KCNQ1: variants seen among roughly 807,000 people sequenced by gnomAD.
KCNQ1 encodes the protein potassium voltage-gated channel subfamily Q member 1.
KCNQ1 carries 49 observed loss-of-function variants against 72.4 expected under a neutral mutation model. The observed-to-expected ratio is 0.68, with a 90% CI of 0.54 to 0.86. The LOEUF is 0.86. Ranked by LOEUF, KCNQ1 falls within the 40% of genes least tolerant of loss-of-function variation. KCNQ1 has a pLI of 0.00. For synonymous variants in KCNQ1, 450 were observed against 412.6 expected (o/e 1.09, Z -1.10); for missense variants, 790 against 945.1 (o/e 0.84, Z 2.15).
Position 2,657,047 on chromosome 11 carries a change from T to C in KCNQ1, c.1394-4914T>C. The C allele has an allele frequency of 2.5e-6, 1 of 398,658 alleles. No individual in the cohort carries two copies. The highest frequency in any genetic ancestry group is 4.4e-6 in the Non-Finnish European group (1 of 226,072). The allele number at this position is 398,658 out of a possible 1,614,324, so 24.7% of individuals were successfully genotyped here. On this transcript the variant is annotated intron_variant, in intron 10 of 15. Transcript: ENST00000155840. The surrounding 1 kb of genome is among the most constrained non-coding windows in gnomAD (Gnocchi z 4.8). ...CAAGCTTCCATATTTGTGTGGGCTG[T>C]TTCCCAATGCTCAATCCTGTCCCAT...
chr11:2,832,418 C>T (rs993027012), intron 15 of KCNQ1, among the ~76,000 whole-genome samples: 1 of 152,160 alleles, frequency 6.6e-6, no homozygotes, highest in Middle Eastern at 3.2e-3. Context: ...GAGCTCCGAC[C>T]GCACAGGGTC....
In KCNQ1 at chr11:2,498,598, C is replaced by T. The variant is rs1846958790; in HGVS notation, c.387-29330C>T. Among the ~76,000 whole-genome samples the T allele has an allele frequency of 6.6e-6, 1 of 152,204 alleles. No homozygotes were observed. The highest frequency in any genetic ancestry group is 2.1e-4 in the South Asian group (1 of 4,830). The stretch of plus-strand genomic sequence containing the variant: ...TGTGCTGGCAGTGAGAATTTGAAGC[C>T]AGTGGTTCTTAGCTTGCTGGGCTCC... On this transcript the variant is annotated intron_variant, in intron 1 of 15. Transcript: ENST00000155840. The surrounding 1 kb of genome is among the most constrained non-coding windows in gnomAD (Gnocchi z 4.8).
intron 10 of KCNQ1, chr11:2,641,316 G>A: frequency 2.5e-6 from 1 of 398,068 alleles, no homozygotes. Context: ...TCCAGCATTG[G>A]TTAATTTTTG....
At position 2,464,253 on chromosome 11, in the gene KCNQ1, G is replaced by A. The variant is rs971525412; in HGVS notation, c.386+18769G>A. The stretch of plus-strand genomic sequence containing the variant: ...CCCGGACAGCAGATAACAAGCCTTC[G>A]TCGTGGTCACCCCTGGGTGTGGGCT... On this transcript the variant is annotated intron_variant, in intron 1 of 15. Transcript: ENST00000155840. The surrounding 1 kb of genome is among the most constrained non-coding windows in gnomAD (Gnocchi z 5.0). Among the ~76,000 whole-genome samples the A allele has an allele frequency of 1.3e-5, 2 of 152,154 alleles. No homozygotes were observed. Among genetic ancestry groups the A allele is most frequent in the Non-Finnish European group, 2.9e-5 (2 of 68,026 alleles).
chr11:2,813,906 G>C lies in KCNQ1; in HGVS notation c.1795-33861G>C, dbSNP rs117267857. The stretch of plus-strand genomic sequence containing the variant: ...AGGGATGCGTGGAAGGATGGTTGAT[G>C]GATGGATGGTTAGATGGATGAAGAG... On this transcript the variant is annotated intron_variant, in intron 15 of 15. Transcript: ENST00000155840. The surrounding 1 kb of genome is among the most constrained non-coding windows in gnomAD (Gnocchi z 4.4). Among the ~76,000 whole-genome samples the C allele has an allele frequency of 1.5e-3, 227 of 152,178 alleles. 7 individuals carry two copies. In the East Asian group the frequency reaches 0.036, roughly 24 times the overall value.
At chr11:2,534,029 C>A (rs1406098021) in intron 2 of KCNQ1, among the ~76,000 whole-genome samples, 1 of 152,152 alleles carries the variant, frequency 6.6e-6, no homozygotes, top group Non-Finnish European at 1.5e-5. Flanking sequence ...GTGGCCCACC[C>A]CTCCCGCCAG....
At position 2,768,746 on chromosome 11, in the gene KCNQ1, G is replaced by A. The variant is rs1846539058; in HGVS notation, c.1515-98G>A. On this transcript the variant is annotated intron_variant, in intron 11 of 15. Transcript: ENST00000155840. The surrounding 1 kb of genome is among the most constrained non-coding windows in gnomAD (Gnocchi z 6.7). ...TTGAACACTCTCCTTGTTTCTGGAAGGATCCAGTCTGCGTGCTCCTCAGGC... is the reference window on the plus strand; with the variant it reads ...TTGAACACTCTCCTTGTTTCTGGAAAGATCCAGTCTGCGTGCTCCTCAGGC... The A allele has an allele frequency of 1.1e-6, 1 of 908,320 alleles. No homozygotes were observed. Among genetic ancestry groups the A allele is most frequent in the African/African-American group, 1.6e-5 (1 of 61,400 alleles). 56.3% of individuals were successfully genotyped at this position (908,320 alleles called of 1,614,324 possible).
rs11023433 is a variant in KCNQ1, at chr11:2,603,922, C to T, written c.1393+15068C>T. Among the ~76,000 whole-genome samples, 10,946 of 152,070 alleles carry T rather than the reference C, an allele frequency of 0.072. 875 individuals carry two copies. Among genetic ancestry groups the T allele is most frequent in the African/African-American group, 0.19 (8,075 of 41,484 alleles). On this transcript the variant is annotated intron_variant, in intron 10 of 15. Transcript: ENST00000155840. This position sits in a 1 kb window ranked among gnomAD's most constrained non-coding sequence, Gnocchi z 4.1. ...GCCAGGCTGGTCTCGAACTCCTGAC[C>T]TCAGGTGATCCGCCCACCTCGGCCT...
chr11:2,650,508 T>G, intron 10 of KCNQ1: 1 of 398,672 alleles, frequency 2.5e-6, no homozygotes, highest in Middle Eastern at 6.3e-4. Flanking sequence ...TACAATTAAT[T>G]AGACTATAAT....
At chr11:2,686,766 T>A (rs1850496550) in intron 11 of KCNQ1, 1 of 398,536 alleles carries the variant, frequency 2.5e-6, no homozygotes, top group African/African-American at 2.1e-5. Flanking sequence ...TAAATGTGCA[T>A]CCCCTGTGAT....
In KCNQ1 at chr11:2,588,249, G is replaced by A. The variant is rs116877681; in HGVS notation, c.1252-464G>A. 9.4e-3 allele frequency among the ~76,000 whole-genome samples: 1,430 copies of A among 152,204 alleles called. 6 individuals carry two copies. The highest frequency in any genetic ancestry group is 0.015 in the Non-Finnish European group (999 of 67,974). On this transcript the variant is annotated intron_variant, in intron 9 of 15. Coordinates refer to ENST00000155840, the MANE Select transcript of KCNQ1 (RefSeq NM_000218.3). The surrounding 1 kb of genome is among the most constrained non-coding windows in gnomAD (Gnocchi z 5.6). ...TGCCCACCCCCTGTGGAGAGACCTG[G>A]CCTTCCCAGTTTCCAGCTGCCGGTG...
At chr11:2,694,871 T>G (rs1478874786) in intron 11 of KCNQ1, 1 of 398,532 alleles carries the variant, frequency 2.5e-6, no homozygotes, top group Non-Finnish European at 4.4e-6. Context: ...GAGATTTAAA[T>G]AAGAAGAAGG....
rs1164529995 is a variant in KCNQ1, at chr11:2,768,295, A to G, written c.1515-549A>G. On this transcript the variant is annotated intron_variant, in intron 11 of 15. Transcript: ENST00000155840. The surrounding 1 kb of genome is among the most constrained non-coding windows in gnomAD (Gnocchi z 6.7). Reference sequence around the variant, plus strand: ...CTAAAAGGATCTTTATTTCTAGAAGAAACTTTAGGAGGCAAAAACAGCGCA... The same window carrying G: ...CTAAAAGGATCTTTATTTCTAGAAGGAACTTTAGGAGGCAAAAACAGCGCA... Among the ~76,000 whole-genome samples, 3 of 152,206 alleles carry G rather than the reference A, an allele frequency of 2.0e-5. No homozygotes were observed. The highest frequency in any genetic ancestry group is 4.1e-4 in the South Asian group (2 of 4,834).
Position 2,595,488 on chromosome 11 carries a change from G to A in KCNQ1, c.1393+6634G>A, listed in dbSNP as rs998635267. On this transcript the variant is annotated intron_variant, in intron 10 of 15. Coordinates refer to ENST00000155840, the MANE Select transcript of KCNQ1 (RefSeq NM_000218.3). This position sits in a 1 kb window ranked among gnomAD's most constrained non-coding sequence, Gnocchi z 5.0. ...CTCACGTACCATTTCAACAATCCTA[G>A]GGCCCTTAAGAATTATGCTAAATCT... Among the ~76,000 whole-genome samples, 5 of 152,100 alleles carry A rather than the reference G, an allele frequency of 3.3e-5. No individual in the cohort carries two copies. Among genetic ancestry groups the A allele is most frequent in the African/African-American group, 1.2e-4 (5 of 41,394 alleles).
intron 10 of KCNQ1, chr11:2,631,842 T>C (rs189914893): frequency 3.0e-5 from 12 of 398,088 alleles, no homozygotes; most frequent in Admixed American, 2.2e-4. Flanking sequence ...GTAAATAGAG[T>C]TGTGTTAATA....
At position 2,603,815 on chromosome 11, in the gene KCNQ1, C is replaced by T. The variant is rs1453409063; in HGVS notation, c.1393+14961C>T. Among the ~76,000 whole-genome samples, 1 of 152,018 alleles carries T rather than the reference C, an allele frequency of 6.6e-6. No homozygotes were observed. The highest frequency in any genetic ancestry group is 1.5e-5 in the Non-Finnish European group (1 of 68,006). ...AAGCAATTCACCCGCCTCAGCCTCCCAAGTAGGTGGGATTACGGGCACGCA... is the reference window on the plus strand; with the variant it reads ...AAGCAATTCACCCGCCTCAGCCTCCTAAGTAGGTGGGATTACGGGCACGCA... On this transcript the variant is annotated intron_variant, in intron 10 of 15. Transcript: ENST00000155840. This position sits in a 1 kb window ranked among gnomAD's most constrained non-coding sequence, Gnocchi z 4.1.
rs575899489 is a variant in KCNQ1, at chr11:2,483,993, T to C, written c.386+38509T>C. Among the ~76,000 whole-genome samples, 1 of 152,296 alleles carries C rather than the reference T, an allele frequency of 6.6e-6. No homozygotes were observed. Among genetic ancestry groups the C allele is most frequent in the South Asian group, 2.1e-4 (1 of 4,826 alleles). On this transcript the variant is annotated intron_variant, in intron 1 of 15. Transcript: ENST00000155840. This position sits in a 1 kb window ranked among gnomAD's most constrained non-coding sequence, Gnocchi z 6.1. ...TCTGTGGTGCTTGCCAAATGGGGATTTGTTTATTTCCCACTTTCTTTCTAT... is the reference window on the plus strand; with the variant it reads ...TCTGTGGTGCTTGCCAAATGGGGATCTGTTTATTTCCCACTTTCTTTCTAT...
chr11:2,716,333 C>A (rs956156056), intron 11 of KCNQ1, among the ~76,000 whole-genome samples: 1 of 152,204 alleles, frequency 6.6e-6, no homozygotes, highest in East Asian at 1.9e-4. Context: ...TCAAGGAACC[C>A]TCTAGGGCAC....
At position 2,526,621 on chromosome 11, in the gene KCNQ1, G is replaced by A. The variant is rs182876146; in HGVS notation, c.387-1307G>A. The stretch of plus-strand genomic sequence containing the variant: ...CCTCCGTGCAGCAGGAGGATGAGCC[G>A]AGGCAGGCTGTGCTGGGAGGTAGCC... On this transcript the variant is annotated intron_variant, in intron 1 of 15. Coordinates refer to ENST00000155840, the MANE Select transcript of KCNQ1 (RefSeq NM_000218.3). This position sits in a 1 kb window ranked among gnomAD's most constrained non-coding sequence, Gnocchi z 6.1. Among the ~76,000 whole-genome samples, 180 of 151,874 alleles carry A rather than the reference G, an allele frequency of 1.2e-3. No individual in the cohort carries two copies. The highest frequency in any genetic ancestry group is 9.6e-3 in the Admixed American group (146 of 15,268).
Sources: gnomAD v4.1 joint callset for allele counts (sites outside exome capture counted in the v4.1 genomes callset) on GRCh38, gnomAD v4.1.1 for gene constraint, Gnocchi (gnomAD v3.1) non-coding constraint, MANE v1.5 for transcripts, NCBI Gene and HGNC (gene_info 2026-07-23, HGNC 2026-07-21) for gene names.